The following KIFAP3 variants were observed in gnomAD, a reference collection of about 807,000 sequenced individuals.
KIFAP3 encodes kinesin associated protein 3, also known as kinesin-associated protein 3.
A neutral mutation model predicts 106.5 loss-of-function variants in KIFAP3; 68 were observed. That is an observed-to-expected ratio of 0.64 (90% CI 0.53 to 0.78). KIFAP3 has a LOEUF of 0.78. Among genes scored for constraint, KIFAP3 ranks in the 30% least tolerant of loss-of-function variants. The probability of loss-of-function intolerance (pLI) is 0.00; values close to 1 mark genes in which losing one functional copy is unlikely to be tolerated. For synonymous variants in KIFAP3, 320 were observed against 311.5 expected (o/e 1.03, Z -0.29); for missense variants, 780 against 941.8 (o/e 0.83, Z 2.25).
chr1:169,983,483 T>G, intron 12 of KIFAP3, 101 bp from the exon 13 acceptor site: 2 of 714,234 alleles, frequency 2.8e-6, no homozygotes. Flanking sequence ...TCTAGTAAAA[T>G]GCATAACTCT....
intron 8 of KIFAP3, among the ~76,000 whole-genome samples, chr1:170,030,124 T>C (rs1669323792): frequency 6.6e-6 from 1 of 151,896 alleles, no homozygotes; most frequent in East Asian, 1.9e-4. Context: ...AAGTTGGAAT[T>C]CATAAAAATG....
At chr1:170,084,335 TA>T (rs1277889395) in intron 1 of KIFAP3, among the ~76,000 whole-genome samples, 1 of 152,194 alleles carries the variant, frequency 6.6e-6, no homozygotes, top group African/African-American at 2.4e-5. Flanking sequence ...TAAGAGGGAT[TA>T]AAAAGGCATA....
chr1:170,061,781 A>T lies in KIFAP3; in HGVS notation c.33-6345T>A, dbSNP rs561613834. Among the ~76,000 whole-genome samples the T allele has an allele frequency of 2.0e-5, 3 of 152,334 alleles. No homozygotes were observed. In the East Asian group the frequency reaches 5.8e-4, roughly 29 times the overall value. ...ACCAACCCAAATGTCTATCAATGAT[A>T]GACTGGATTAAGAAAATGTGGCACA... is the stretch of plus-strand genomic sequence containing the variant. On this transcript the variant is annotated intron_variant, in intron 1 of 19. Transcript: ENST00000361580.
chr1:170,001,119 A>G (rs1296430048), intron 10 of KIFAP3, among the ~76,000 whole-genome samples: 1 of 152,054 alleles, frequency 6.6e-6, no homozygotes, highest in Non-Finnish European at 1.5e-5. Context: ...ATTTTTCATC[A>G]TATCTTCAAT....
chr1:170,024,601 A>G lies in KIFAP3; in HGVS notation c.842-5T>C, dbSNP rs776504844. 2.0e-6 allele frequency: 3 copies of G among 1,522,382 alleles called. No individual in the cohort carries two copies. The highest frequency in any genetic ancestry group is 1.3e-5 in the South Asian group (1 of 76,718). 94.3% of individuals were successfully genotyped at this position (1,522,382 alleles called of 1,614,324 possible). On this transcript the variant is annotated splice_polypyrimidine_tract_variant and splice_region_variant and intron_variant, in intron 8 of 19. Coordinates refer to ENST00000361580, the MANE Select transcript of KIFAP3 (RefSeq NM_014970.4). ...TCAGAAGCAAATAAAGAGCAACTAG[A>G]AAAGTAAAATATATGAGAGATAAAG...
chr1:169,990,135 T>A (rs926125754), intron 11 of KIFAP3: 1 of 1,500,946 alleles, frequency 6.7e-7, no homozygotes, highest in Non-Finnish European at 9.0e-7. Context: ...AATCAGTGCA[T>A]ATTTACAAGA....
chr1:170,040,405 T>C (rs12563479), intron 3 of KIFAP3, among the ~76,000 whole-genome samples: 39,839 of 152,062 alleles, frequency 0.26, 6,161 homozygotes, highest in East Asian at 0.5. Flanking sequence ...AAAATATTGA[T>C]TTGAATTATT....
At chr1:169,992,011 T>A (rs1667130065) in intron 11 of KIFAP3, 144 bp downstream of exon 11, 2 of 411,438 alleles carry the variant, frequency 4.9e-6, no homozygotes, top group Admixed American at 4.4e-5. Flanking sequence ...TACAGTTCTG[T>A]ACTTCCTCAA....
intron 9 of KIFAP3, chr1:170,024,180 T>C: frequency 3.4e-6 from 1 of 296,812 alleles, no homozygotes; most frequent in Non-Finnish European, 6.1e-6. Context: ...ATGTTTAATA[T>C]GGCAAGATCC....
intron 10 of KIFAP3, among the ~76,000 whole-genome samples, chr1:169,993,975 C>A (rs1255568187): frequency 6.6e-6 from 1 of 152,186 alleles, no homozygotes; most frequent in Non-Finnish European, 1.5e-5. Context: ...TAACATATAA[C>A]CTCCATGAAA....
intron 1 of KIFAP3, among the ~76,000 whole-genome samples, chr1:170,061,841 G>T (rs956886429): frequency 1.3e-5 from 2 of 152,228 alleles, no homozygotes; most frequent in South Asian, 2.1e-4. Flanking sequence ...CCATAAAAAA[G>T]GATGAGGTCA....
chr1:169,989,074 GA>G (rs572432949), intron 11 of KIFAP3, among the ~76,000 whole-genome samples: 106 of 152,084 alleles, frequency 7.0e-4, no homozygotes, highest in African/African-American at 2.4e-3. Context: ...TTTGATGTTA[GA>G]AAACTGTCTG....
chr1:169,943,128 G>A (rs1039110796), intron 19 of KIFAP3, among the ~76,000 whole-genome samples: 7 of 152,028 alleles, frequency 4.6e-5, no homozygotes, highest in Non-Finnish European at 8.8e-5. Context: ...TTCAGAATAA[G>A]TGCAAATCAG....
chr1:170,005,937 C>T (rs917689805), intron 10 of KIFAP3, among the ~76,000 whole-genome samples: 12 of 152,012 alleles, frequency 7.9e-5, no homozygotes, highest in African/African-American at 2.7e-4. Flanking sequence ...TTTTCTGTGT[C>T]CCTGATCTCT....
chr1:169,924,816 T>A (rs1663040651), intron 19 of KIFAP3, among the ~76,000 whole-genome samples: 1 of 152,206 alleles, frequency 6.6e-6, no homozygotes, highest in African/African-American at 2.4e-5. Context: ...ATTCTTCATG[T>A]AAGTTCTTGA....
chr1:170,048,064 T>C (rs950276905), intron 2 of KIFAP3, among the ~76,000 whole-genome samples: 3 of 152,184 alleles, frequency 2.0e-5, no homozygotes, highest in East Asian at 1.9e-4. Flanking sequence ...CAGAGCAATG[T>C]CCTGTAAGCT....
intron 3 of KIFAP3, among the ~76,000 whole-genome samples, chr1:170,041,047 T>C (rs1200271611): frequency 4.6e-5 from 7 of 152,024 alleles, no homozygotes; most frequent in Non-Finnish European, 8.8e-5. Context: ...ATGGTCTCGA[T>C]CTCTTGACCT....
At position 169,967,315 on chromosome 1, in the gene KIFAP3, T is replaced by A. The variant is rs1474067700; in HGVS notation, c.1983+5198A>T. 2.0e-5 allele frequency among the ~76,000 whole-genome samples: 3 copies of A among 151,852 alleles called. No individual in the cohort carries two copies. In the East Asian group the frequency reaches 5.8e-4, roughly 29 times the overall value. ...CCTCCTGGACAAAACTTTCCTTTTT[T>A]ATTTTTTTCCCTTTTCCATTTCAGT... On this transcript the variant is annotated intron_variant, in intron 17 of 19. Coordinates refer to ENST00000361580, the MANE Select transcript of KIFAP3 (RefSeq NM_014970.4).
At chr1:170,065,001 A>G (rs1000884817) in intron 1 of KIFAP3, among the ~76,000 whole-genome samples, 1 of 152,136 alleles carries the variant, frequency 6.6e-6, no homozygotes, top group Middle Eastern at 3.2e-3. Context: ...TTAGTTGAGG[A>G]GTATCCTTTT....
Sources: gnomAD v4.1 joint callset for allele counts (sites outside exome capture counted in the v4.1 genomes callset) on GRCh38, gnomAD v4.1.1 for gene constraint, MANE v1.5 for transcripts, NCBI Gene and HGNC (gene_info 2026-07-23, HGNC 2026-07-21) for gene names.